The following EZR variants were observed in gnomAD, a reference collection of about 807,000 sequenced individuals.
EZR encodes the protein cytovillin 2.
In EZR, 40 loss-of-function variants were observed where a neutral mutation model predicts 74.8. The observed-to-expected ratio is 0.53, with a 90% CI of 0.42 to 0.70. The LOEUF (loss-of-function observed/expected upper bound fraction) is 0.70, where lower values mean the gene tolerates loss of function less well. EZR is among the 30% of genes least tolerant of loss of function. The pLI is 0.00. For missense variants in EZR, 678 were observed against 755.8 expected (o/e 0.90, Z 1.21); for synonymous variants, 341 against 283.3 (o/e 1.20, Z -2.05).
intron 5 of EZR, 139 bp from the exon 6 acceptor site, chr6:158,784,866 T>C (rs139586764): frequency 1.5e-6 from 1 of 684,642 alleles, no homozygotes; most frequent in East Asian, 2.7e-5. Flanking sequence ...TTCTATTTCC[T>C]GATGTGCAGC....
intron 2 of EZR, chr6:158,789,685 T>C: frequency 2.1e-6 from 1 of 483,932 alleles, no homozygotes; most frequent in Non-Finnish European, 4.1e-6. Context: ...AGTGGCACGA[T>C]CACAGCTCAC....
At chr6:158,773,072 C>G (rs1791167732) in intron 8 of EZR, among the ~76,000 whole-genome samples, 1 of 152,140 alleles carries the variant, frequency 6.6e-6, no homozygotes, top group Admixed American at 6.5e-5. Flanking sequence ...TTATGACCCA[C>G]CTATCCCTTA....
chr6:158,806,108 G>A (rs560573325), intron 2 of EZR, among the ~76,000 whole-genome samples: 4 of 152,350 alleles, frequency 2.6e-5, no homozygotes, highest in African/African-American at 7.2e-5. Context: ...GTGTTTCCAA[G>A]TCAGCTGCAA....
At chr6:158,807,293 C>T (rs971455688) in intron 2 of EZR, among the ~76,000 whole-genome samples, 2 of 143,406 alleles carry the variant, frequency 1.4e-5, no homozygotes, top group Non-Finnish European at 3.0e-5. Context: ...CCAGCCTGGG[C>T]GACAGACAGA....
chr6:158,815,559 T>C (rs1177541050), intron 2 of EZR, among the ~76,000 whole-genome samples: 4 of 152,224 alleles, frequency 2.6e-5, no homozygotes, highest in Admixed American at 6.5e-5. Flanking sequence ...CACTGCAGCC[T>C]TGACCTCCAG....
chr6:158,798,458 A>T (rs1421882562), intron 2 of EZR, among the ~76,000 whole-genome samples: 1 of 152,218 alleles, frequency 6.6e-6, no homozygotes, highest in Non-Finnish European at 1.5e-5. Context: ...ACACCAACAC[A>T]GTAGCGGCGC....
intron 2 of EZR, among the ~76,000 whole-genome samples, chr6:158,800,139 A>G (rs943973523): frequency 6.6e-6 from 1 of 152,228 alleles, no homozygotes; most frequent in South Asian, 2.1e-4. Flanking sequence ...GAGAACCACT[A>G]TGTTGCTAAA....
At chr6:158,769,542 C>T (rs1791030143) in intron 11 of EZR, 124 bp from the exon 12 acceptor site, 2 of 1,065,226 alleles carry the variant, frequency 1.9e-6, no homozygotes, top group Non-Finnish European at 2.8e-6. Flanking sequence ...CCGCCACCCC[C>T]ACTCCATGGC....
chr6:158,790,688 A>AAC (rs67471450), intron 2 of EZR, among the ~76,000 whole-genome samples: 169 of 54,626 alleles, frequency 3.1e-3, no homozygotes, highest in African/African-American at 8.1e-3. Context: ...CAAACAAACA[A>AAC]AAAAAACCCA....
At chr6:158,816,318 GTA>G (rs1229711092) in intron 2 of EZR, among the ~76,000 whole-genome samples, 1 of 152,150 alleles carries the variant, frequency 6.6e-6, no homozygotes, top group Non-Finnish European at 1.5e-5. Flanking sequence ...AGGATAAACT[GTA>G]TATTTTACCA....
At chr6:158,782,063 C>T (rs1388476616) in intron 7 of EZR, among the ~76,000 whole-genome samples, 14 of 152,124 alleles carry the variant, frequency 9.2e-5, no homozygotes, top group Admixed American at 6.5e-4. Context: ...CTGGCTTTTC[C>T]GTGCTTCTTT....
At position 158,775,805 on chromosome 6, in the gene EZR, C is replaced by T. The variant is rs567462169; in HGVS notation, c.795+603G>A. ...AGCAGAATAAATAAAACCAAATTTA[C>T]ATAATGCACTGGTCTTTGCAGCTAT... On this transcript the variant is annotated intron_variant, in intron 8 of 13. Transcript: ENST00000367075. Among the ~76,000 whole-genome samples the T allele has an allele frequency of 2.0e-5, 3 of 152,356 alleles. No homozygotes were observed. The East Asian group carries it at 5.8e-4, about 29-fold the overall frequency.
intron 2 of EZR, among the ~76,000 whole-genome samples, chr6:158,805,493 A>G (rs1777318259): frequency 6.6e-6 from 1 of 152,216 alleles, no homozygotes; most frequent in Non-Finnish European, 1.5e-5. Context: ...ATACAATGTT[A>G]AAGAACATTT....
chr6:158,773,954 C>A (rs1791193509), intron 8 of EZR, among the ~76,000 whole-genome samples: 1 of 152,196 alleles, frequency 6.6e-6, no homozygotes, highest in Admixed American at 6.5e-5. Context: ...CAAAGTGTGG[C>A]CCCAAACTGC....
Position 158,803,576 on chromosome 6 carries a change from T to C in EZR, c.13-14205A>G, listed in dbSNP as rs1465261381. ...ATATATATATATATATATATATATA[T>C]ATATACATATATATATATATATATA... On this transcript the variant is annotated intron_variant, in intron 2 of 13. Transcript: ENST00000367075. Among the ~76,000 whole-genome samples the C allele has an allele frequency of 4.0e-3, 78 of 19,372 alleles. 3 individuals are homozygous for C. Among genetic ancestry groups the C allele is most frequent in the Admixed American group, 7.7e-3 (14 of 1,810 alleles). The allele number at this position is 19,372 out of a possible 152,430, so 12.7% of individuals were successfully genotyped here.
At chr6:158,767,633 C>CTG in intron 12 of EZR, 121 bp from the exon 13 acceptor site, 2 of 1,093,518 alleles carry the variant, frequency 1.8e-6, no homozygotes, top group Non-Finnish European at 2.5e-6. Flanking sequence ...CTGTGCTGGG[C>CTG]TGTGGCTTCG....
intron 12 of EZR, among the ~76,000 whole-genome samples, chr6:158,767,915 C>A (rs188395559): frequency 6.6e-6 from 1 of 152,192 alleles, no homozygotes; most frequent in African/African-American, 2.4e-5. Context: ...CACCCAGTCC[C>A]GCCCGCCTCC....
intron 12 of EZR, 101 bp from the exon 13 acceptor site, chr6:158,767,613 C>A: frequency 2.3e-6 from 3 of 1,295,884 alleles, no homozygotes; most frequent in South Asian, 2.9e-5. Context: ...CAGGCTAAGG[C>A]AGCACTGAAC....
At chr6:158,806,814 C>T (rs554276854) in intron 2 of EZR, among the ~76,000 whole-genome samples, 1 of 152,302 alleles carries the variant, frequency 6.6e-6, no homozygotes, top group African/African-American at 2.4e-5. Context: ...AAGAGTCTCA[C>T]CCAAACAGCA....
Sources: allele counts gnomAD v4.1 joint callset (sites outside exome capture counted in the v4.1 genomes callset), GRCh38; gene constraint gnomAD v4.1.1; transcripts MANE v1.5; gene names NCBI Gene and HGNC (gene_info 2026-07-23, HGNC 2026-07-21).